GRID2: variants seen among roughly 807,000 people sequenced by gnomAD.
GRID2 encodes the protein glutamate receptor ionotropic, delta-2.
In GRID2, 33 loss-of-function variants were observed where a neutral mutation model predicts 114.8. The ratio of observed to expected loss-of-function variants is 0.29; its 90% confidence interval spans 0.22 to 0.38. The LOEUF (loss-of-function observed/expected upper bound fraction) is 0.38. GRID2 is among the 10% of genes least tolerant of loss of function. GRID2 has a pLI of 1.00. For synonymous variants in GRID2, 505 were observed against 449.9 expected (o/e 1.12, Z -1.55); for missense variants, 1,184 against 1,257.7 (o/e 0.94, Z 0.89).
At chr4:92,306,553 G>A (rs570336110) in intron 1 of GRID2, among the ~76,000 whole-genome samples, 28 of 152,328 alleles carry the variant, frequency 1.8e-4, no homozygotes, top group African/African-American at 6.3e-4. Flanking sequence ...GATTTCTGAT[G>A]TAGGCTCCTC....
intron 1 of GRID2, among the ~76,000 whole-genome samples, chr4:92,478,455 C>T (rs1011141509): frequency 2.6e-5 from 4 of 152,052 alleles, no homozygotes; most frequent in African/African-American, 9.7e-5. Context: ...GACAGCTTAA[C>T]CTGTCTTTAA....
chr4:92,873,692 C>T (rs1481666989), intron 2 of GRID2, among the ~76,000 whole-genome samples: 1 of 152,034 alleles, frequency 6.6e-6, no homozygotes, highest in Non-Finnish European at 1.5e-5. Context: ...TAAACATCCT[C>T]TAATTGAGGT....
At chr4:93,012,627 G>C (rs1409974856) in intron 2 of GRID2, among the ~76,000 whole-genome samples, 1 of 151,548 alleles carries the variant, frequency 6.6e-6, no homozygotes, top group Non-Finnish European at 1.5e-5. Flanking sequence ...TGAGTTTTTG[G>C]ATCAAAAGAG....
chr4:92,549,268 A>T (rs1726453213), intron 1 of GRID2, among the ~76,000 whole-genome samples: 1 of 152,158 alleles, frequency 6.6e-6, no homozygotes, highest in African/African-American at 2.4e-5. Flanking sequence ...CCTACTGAAA[A>T]TGAGGAAACT....
chr4:92,474,112 T>C (rs1722178312), intron 1 of GRID2, among the ~76,000 whole-genome samples: 2 of 152,024 alleles, frequency 1.3e-5, no homozygotes, highest in East Asian at 3.9e-4. Flanking sequence ...AAATTATGTC[T>C]CCAGGACTTA....
intron 14 of GRID2, among the ~76,000 whole-genome samples, chr4:93,658,177 T>TATC (rs762431875): frequency 5.3e-5 from 8 of 152,210 alleles, no homozygotes; most frequent in Non-Finnish European, 1.0e-4. Context: ...AAATAAACCC[T>TATC]ATCATTTTAG....
intron 2 of GRID2, among the ~76,000 whole-genome samples, chr4:92,712,277 A>G (rs981388874): frequency 3.3e-5 from 5 of 152,100 alleles, no homozygotes; most frequent in African/African-American, 1.2e-4. Flanking sequence ...AAGGTATTTC[A>G]TTTAGCTATG....
chr4:93,478,302 G>A (rs969176), intron 11 of GRID2, among the ~76,000 whole-genome samples: 146,310 of 152,156 alleles, frequency 0.96, 70,402 homozygotes, highest in Middle Eastern at 1. Flanking sequence ...ACCAGCACCC[G>A]TTTAATTTGA....
At chr4:93,324,821 C>T (rs1343852035) in intron 8 of GRID2, among the ~76,000 whole-genome samples, 2 of 152,138 alleles carry the variant, frequency 1.3e-5, no homozygotes, top group Non-Finnish European at 2.9e-5. Flanking sequence ...AGTTTACTTG[C>T]GTAGAGGTGT....
At chr4:93,647,130 A>G (rs1264533472) in intron 14 of GRID2, among the ~76,000 whole-genome samples, 1 of 152,170 alleles carries the variant, frequency 6.6e-6, no homozygotes, top group African/African-American at 2.4e-5. Flanking sequence ...GTTAGAGATT[A>G]GTAGTTATTA....
intron 1 of GRID2, among the ~76,000 whole-genome samples, chr4:92,332,305 C>A (rs1323126327): frequency 6.6e-6 from 1 of 152,066 alleles, no homozygotes; most frequent in African/African-American, 2.4e-5. Flanking sequence ...CGTGAGAGAA[C>A]AACAGATTGA....
At chr4:93,386,257 C>G (rs1764302660) in intron 8 of GRID2, among the ~76,000 whole-genome samples, 1 of 152,076 alleles carries the variant, frequency 6.6e-6, no homozygotes, top group South Asian at 2.1e-4. Context: ...GCTGAGTAGC[C>G]TGGAACAGGT....
rs551908174 is a variant in GRID2 at position 93,772,451 on chromosome 4, C to T, written c.2977C>T (p.Leu993=). The change falls in exon 16 of 16, where the codon CTG becomes TTG. Residue 993 remains leucine, a synonymous_variant. Transcript: ENST00000282020. ...SSIPYQPTPT[L]GLNLGNDPDR... ...TATTCCTTATCAACCAACTCCTACC[C>T]TGGGGCTCAATCTGGGTAATGATCC... is the stretch of plus-strand genomic sequence containing the variant. The T allele has an allele frequency of 3.6e-5, 58 of 1,611,232 alleles. No homozygotes were observed. The East Asian group carries it at 1.2e-3, about 33-fold the overall frequency.
intron 8 of GRID2, among the ~76,000 whole-genome samples, chr4:93,324,891 A>G (rs2149216316): frequency 6.6e-6 from 1 of 151,868 alleles, no homozygotes; most frequent in Admixed American, 6.6e-5. Context: ...TATCCCCTTT[A>G]TCGTTTTTTA....
intron 4 of GRID2, among the ~76,000 whole-genome samples, chr4:93,149,659 G>A (rs62308253): frequency 0.08 from 12,152 of 151,724 alleles, 543 homozygotes; most frequent in East Asian, 0.17. Flanking sequence ...TTAGAGACAG[G>A]GTCTCATTCT....
intron 2 of GRID2, among the ~76,000 whole-genome samples, chr4:93,061,184 C>A (rs1295848884): frequency 7.4e-6 from 1 of 136,054 alleles, no homozygotes; most frequent in Non-Finnish European, 1.6e-5. Flanking sequence ...ATATATTCAT[C>A]AGGTTTTTCT....
intron 11 of GRID2, among the ~76,000 whole-genome samples, chr4:93,456,746 T>C (rs1723240991): frequency 6.6e-6 from 1 of 152,200 alleles, no homozygotes; most frequent in Admixed American, 6.5e-5. Context: ...ATGGAGACAT[T>C]ATACTTTTGT....
Position 93,737,238 on chromosome 4 carries a change from G to A in GRID2, c.2361-31972G>A, listed in dbSNP as rs879487167. On this transcript the variant is annotated intron_variant, in intron 14 of 15. Transcript: ENST00000282020. ...AAGTAAAATGGGTATTTCACAACAC[G>A]TTATCTCTGTCTGCAAATTTCTGCA... Among the ~76,000 whole-genome samples the A allele has an allele frequency of 6.6e-5, 10 of 152,062 alleles. No individual in the cohort carries two copies. The South Asian group carries it at 1.2e-3, about 19-fold the overall frequency.
intron 2 of GRID2, among the ~76,000 whole-genome samples, chr4:92,825,252 T>C (rs188408094): frequency 3.9e-4 from 59 of 152,252 alleles, no homozygotes; most frequent in African/African-American, 1.4e-3. Context: ...TCCTATGAAC[T>C]CAAGGATGAT....
Sources: gnomAD v4.1 joint callset for allele counts (sites outside exome capture counted in the v4.1 genomes callset) on GRCh38, gnomAD v4.1.1 for gene constraint, MANE v1.5 for transcripts, NCBI Gene and HGNC (gene_info 2026-07-23, HGNC 2026-07-21) for gene names.